Variants in MANBA observed in about 807,000 individuals in gnomAD.
MANBA encodes the protein mannosidase beta, also known as beta-mannosidase.
MANBA carries 83 observed loss-of-function variants against 111.1 expected under a neutral mutation model. The ratio of observed to expected loss-of-function variants is 0.75; its 90% CI spans 0.63 to 0.90. The LOEUF (loss-of-function observed/expected upper bound fraction) is 0.90, where lower values mean the gene tolerates loss of function less well. Among genes scored for constraint, MANBA ranks in the 40% least tolerant of loss-of-function variants. The probability of loss-of-function intolerance (pLI) is 0.00; values close to 1 mark genes in which losing one functional copy is unlikely to be tolerated. For missense variants in MANBA, 1,036 were observed against 1,069.0 expected, an observed-to-expected ratio of 0.97 and a Z score of 0.43; for synonymous variants, 370 against 378.7, an observed-to-expected ratio of 0.98 and a Z score of 0.27.
At chr4:102,734,595 G>A (rs1220553478) in intron 1 of MANBA, 36 of 1,606,128 alleles carry the variant, frequency 2.2e-5, no homozygotes, top group Non-Finnish European at 2.9e-5. Context: ...GCCCAAGAAA[G>A]AGACCAAGAA....
At chr4:102,647,432 A>C (rs1235302549) in intron 13 of MANBA, among the ~76,000 whole-genome samples, 1 of 151,510 alleles carries the variant, frequency 6.6e-6, no homozygotes, top group Admixed American at 6.6e-5. Context: ...AATGCTGATA[A>C]GTTCAGAAAA....
chr4:102,693,514 G>A (rs1309897372), intron 5 of MANBA, among the ~76,000 whole-genome samples: 3 of 152,126 alleles, frequency 2.0e-5, no homozygotes, highest in African/African-American at 4.8e-5. Flanking sequence ...GCCAGGAAAC[G>A]AGCCCTCACT....
At chr4:102,738,489 C>A (rs1160719884) in intron 1 of MANBA, among the ~76,000 whole-genome samples, 1 of 152,214 alleles carries the variant, frequency 6.6e-6, no homozygotes, top group Admixed American at 6.5e-5. Flanking sequence ...TGGCTAGACT[C>A]ACAAGGGCAA....
intron 1 of MANBA, among the ~76,000 whole-genome samples, chr4:102,759,258 C>A (rs1724145358): frequency 2.6e-5 from 4 of 151,428 alleles, no homozygotes. Flanking sequence ...CCATGCTGGT[C>A]TTGAACTCCT....
At chr4:102,672,276 T>G (rs1731530340) in intron 8 of MANBA, 1 of 390,328 alleles carries the variant, frequency 2.6e-6, no homozygotes, top group Admixed American at 4.4e-5. Flanking sequence ...TTTATACATT[T>G]GTAAATATGC....
At chr4:102,704,383 T>C (rs1327171987) in intron 5 of MANBA, among the ~76,000 whole-genome samples, 1 of 152,196 alleles carries the variant, frequency 6.6e-6, no homozygotes, top group Non-Finnish European at 1.5e-5. Context: ...CTGCTCAGGC[T>C]GGTTCAAACT....
intron 12 of MANBA, 44 bp downstream of exon 12, chr4:102,657,638 C>A: frequency 6.9e-7 from 1 of 1,444,214 alleles, no homozygotes; most frequent in Non-Finnish European, 9.7e-7. Context: ...CACATGCCCA[C>A]AGTCTATCAT....
chr4:102,643,105 G>C (rs575203150), intron 13 of MANBA, among the ~76,000 whole-genome samples: 13 of 152,228 alleles, frequency 8.5e-5, no homozygotes, highest in African/African-American at 2.9e-4. Context: ...CTGGGAAGCA[G>C]TCACTCCCCA....
intron 1 of MANBA, among the ~76,000 whole-genome samples, chr4:102,732,062 CACACCTGGCTAATTTTT>C (rs1723052405): frequency 6.6e-6 from 1 of 152,144 alleles, no homozygotes; most frequent in Admixed American, 6.5e-5. Context: ...CATGCACCAC[CACACCTGGCTAATTTTT>C]TGTGTGTTTT....
At chr4:102,715,974 C>G (rs1722310433) in intron 4 of MANBA, among the ~76,000 whole-genome samples, 1 of 151,972 alleles carries the variant, frequency 6.6e-6, no homozygotes, top group Admixed American at 6.6e-5. Flanking sequence ...GTATTTAAAT[C>G]TAATAGTTAC....
At chr4:102,743,398 T>A (rs2110206974) in intron 1 of MANBA, among the ~76,000 whole-genome samples, 1 of 152,346 alleles carries the variant, frequency 6.6e-6, no homozygotes, top group African/African-American at 2.4e-5. Flanking sequence ...TTCACTGCTA[T>A]CCTTCAGGGA....
chr4:102,754,761 T>C (rs1363259091), intron 1 of MANBA, among the ~76,000 whole-genome samples: 1 of 152,136 alleles, frequency 6.6e-6, no homozygotes, highest in Non-Finnish European at 1.5e-5. Flanking sequence ...TTTCACCGTA[T>C]TAGCCAGGAT....
intron 7 of MANBA, chr4:102,679,802 A>G (rs1398968601): frequency 6.6e-6 from 1 of 152,204 alleles, no homozygotes; most frequent in African/African-American, 2.4e-5. Flanking sequence ...AGTATTAAAC[A>G]TAATAAGTTT....
At chr4:102,664,162 T>C (rs935338883) in intron 11 of MANBA, among the ~76,000 whole-genome samples, 4 of 152,186 alleles carry the variant, frequency 2.6e-5, no homozygotes, top group African/African-American at 7.2e-5. Context: ...AGCACTGCAT[T>C]GGTGTATGTG....
chr4:102,698,499 T>C (rs1262479167), intron 5 of MANBA, among the ~76,000 whole-genome samples: 2 of 147,382 alleles, frequency 1.4e-5, no homozygotes, highest in African/African-American at 5.1e-5. Flanking sequence ...GGTCTAACGT[T>C]TAAGTCTTTA....
intron 1 of MANBA, among the ~76,000 whole-genome samples, chr4:102,757,425 C>T (rs1724070208): frequency 6.6e-6 from 1 of 152,004 alleles, no homozygotes; most frequent in Non-Finnish European, 1.5e-5. Context: ...TACAGAAAAC[C>T]CAGAGAATCA....
intron 1 of MANBA, among the ~76,000 whole-genome samples, chr4:102,754,277 G>C (rs1723921335): frequency 6.6e-6 from 1 of 151,944 alleles, no homozygotes; most frequent in Non-Finnish European, 1.5e-5. Flanking sequence ...ACTAATAAAA[G>C]TACATATCCT....
chr4:102,727,724 G>T lies in MANBA; in HGVS notation c.178-1041C>A. ...GGTTGTAGGTTGTGTTTTCAGAGAT[G>T]GTGCCTTCTGGCATAGTAGTGTTTT... is the stretch of plus-strand genomic sequence containing the variant. On this transcript the variant is annotated intron_variant, in intron 1 of 16. Transcript: ENST00000647097. The T allele has an allele frequency of 3.3e-6, 3 of 913,966 alleles. No homozygotes were observed. The Admixed American group carries it at 5.4e-5, about 16-fold the overall frequency. 56.6% of individuals were successfully genotyped at this position (913,966 alleles called of 1,614,324 possible).
At chr4:102,674,729 T>C (rs1456145816) in intron 7 of MANBA, among the ~76,000 whole-genome samples, 1 of 152,192 alleles carries the variant, frequency 6.6e-6, no homozygotes, top group Non-Finnish European at 1.5e-5. Context: ...AGCCAGGTTT[T>C]CCCCCAGTTA....
Sources: allele counts gnomAD v4.1 joint callset (sites outside exome capture counted in the v4.1 genomes callset), GRCh38; gene constraint gnomAD v4.1.1; transcripts MANE v1.5; gene names NCBI Gene and HGNC (gene_info 2026-07-23, HGNC 2026-07-21).